The following PPP1R16B variants were observed in gnomAD, a reference collection of about 807,000 sequenced individuals.
PPP1R16B encodes protein phosphatase 1 regulatory subunit 16B, also known as protein phosphatase 1 regulatory inhibitor subunit 16B.
A neutral mutation model predicts 61.7 loss-of-function variants in PPP1R16B; 14 were observed. That is an observed-to-expected ratio of 0.23 (90% CI 0.15 to 0.35). The LOEUF (loss-of-function observed/expected upper bound fraction) is 0.35. PPP1R16B is among the 10% of genes least tolerant of loss of function. PPP1R16B has a pLI of 1.00. For synonymous variants in PPP1R16B, 266 were observed against 305.3 expected, an observed-to-expected ratio of 0.87 and a Z score of 1.34; for missense variants, 547 against 752.5, an observed-to-expected ratio of 0.73 and a Z score of 3.19.
At chr20:38,880,753 C>A (rs756466353) in intron 2 of PPP1R16B, among the ~76,000 whole-genome samples, 1 of 152,164 alleles carries the variant, frequency 6.6e-6, no homozygotes, top group Non-Finnish European at 1.5e-5. Context: ...TTAGAGATAT[C>A]GCGACTAATG....
intron 2 of PPP1R16B, among the ~76,000 whole-genome samples, chr20:38,880,027 G>A (rs1027543692): frequency 2.0e-5 from 3 of 151,948 alleles, no homozygotes; most frequent in Admixed American, 2.0e-4. Flanking sequence ...CAGATGTTCT[G>A]GCTGGTTCTG....
chr20:38,871,862 A>G (rs1601277973), intron 2 of PPP1R16B, among the ~76,000 whole-genome samples: 1 of 152,238 alleles, frequency 6.6e-6, no homozygotes, highest in East Asian at 1.9e-4. Flanking sequence ...TAAGCCACAT[A>G]TGTAATTTTA....
At chr20:38,831,396 C>G (rs1395983694) in intron 1 of PPP1R16B, among the ~76,000 whole-genome samples, 1 of 152,258 alleles carries the variant, frequency 6.6e-6, no homozygotes, top group Admixed American at 6.5e-5. Context: ...GGCCGCCTAG[C>G]TGCTGTGTTC....
At chr20:38,916,882 T>C (rs2085545743) in intron 10 of PPP1R16B, among the ~76,000 whole-genome samples, 1 of 151,856 alleles carries the variant, frequency 6.6e-6, no homozygotes. Context: ...TTAATTTTTA[T>C]AGTATTAACG....
chr20:38,889,241 T>C (rs1256864032), intron 2 of PPP1R16B, among the ~76,000 whole-genome samples: 1 of 152,194 alleles, frequency 6.6e-6, no homozygotes, highest in Non-Finnish European at 1.5e-5. Flanking sequence ...GGAAGTGTCT[T>C]GACCAAGGTT....
At chr20:38,831,076 G>A (rs1209815177) in intron 1 of PPP1R16B, among the ~76,000 whole-genome samples, 7 of 152,202 alleles carry the variant, frequency 4.6e-5, no homozygotes, top group Non-Finnish European at 7.3e-5. Context: ...TGAGTGACGA[G>A]GAACTTGCCA....
At chr20:38,850,493 C>A (rs1240658328) in intron 2 of PPP1R16B, among the ~76,000 whole-genome samples, 1 of 152,170 alleles carries the variant, frequency 6.6e-6, no homozygotes, top group Admixed American at 6.5e-5. Context: ...TAAGGATTTG[C>A]CTTCTAGACC....
At chr20:38,886,344 C>T (rs970985072) in intron 2 of PPP1R16B, among the ~76,000 whole-genome samples, 9 of 152,134 alleles carry the variant, frequency 5.9e-5, no homozygotes, top group African/African-American at 1.7e-4. Context: ...ATTCCTCCAC[C>T]GCATGGAGAA....
At chr20:38,863,189 A>T (rs1432517610) in intron 2 of PPP1R16B, among the ~76,000 whole-genome samples, 1 of 152,150 alleles carries the variant, frequency 6.6e-6, no homozygotes, top group African/African-American at 2.4e-5. Flanking sequence ...CTTACAAACC[A>T]CAGCACAAAA....
At chr20:38,826,492 G>C (rs572548007) in intron 1 of PPP1R16B, among the ~76,000 whole-genome samples, 48 of 152,172 alleles carry the variant, frequency 3.2e-4, no homozygotes, top group Non-Finnish European at 6.8e-4. Flanking sequence ...GGGAAGCTCA[G>C]CATGGAAGAC....
chr20:38,817,766 C>T (rs1187565915), intron 1 of PPP1R16B, among the ~76,000 whole-genome samples: 1 of 151,894 alleles, frequency 6.6e-6, no homozygotes, highest in Non-Finnish European at 1.5e-5. Context: ...ATGTGTGGGT[C>T]GGGCGTAGTG....
At chr20:38,834,205 C>G (rs970549028) in intron 1 of PPP1R16B, among the ~76,000 whole-genome samples, 1 of 152,174 alleles carries the variant, frequency 6.6e-6, no homozygotes, top group African/African-American at 2.4e-5. Context: ...AGATAAGGGT[C>G]TCGCTATGTT....
chr20:38,836,210 G>T (rs542363278), intron 2 of PPP1R16B, 35 bp downstream of exon 2: 2 of 1,585,272 alleles, frequency 1.3e-6, no homozygotes, highest in African/African-American at 1.3e-5. Context: ...CCACGCAGCT[G>T]CCTTGGCCTC....
intron 2 of PPP1R16B, among the ~76,000 whole-genome samples, chr20:38,837,690 C>T (rs1035497781): frequency 2.0e-5 from 3 of 151,976 alleles, no homozygotes; most frequent in Admixed American, 6.5e-5. Context: ...GGATTACAGG[C>T]GTTCACCTCC....
intron 2 of PPP1R16B, among the ~76,000 whole-genome samples, chr20:38,862,831 A>G (rs1012956907): frequency 2.6e-5 from 4 of 152,184 alleles, no homozygotes; most frequent in East Asian, 1.9e-4. Context: ...TCCATCAGTT[A>G]TGGCCTTTGG....
At chr20:38,813,915 G>A (rs1270270355) in intron 1 of PPP1R16B, among the ~76,000 whole-genome samples, 1 of 151,882 alleles carries the variant, frequency 6.6e-6, no homozygotes, top group Non-Finnish European at 1.5e-5. Context: ...TCCTGCCTCA[G>A]CCTCCTGAGT....
intron 1 of PPP1R16B, among the ~76,000 whole-genome samples, chr20:38,832,685 G>A (rs940078527): frequency 9.2e-5 from 14 of 152,220 alleles, no homozygotes; most frequent in Admixed American, 2.6e-4. Context: ...TTGGGAGGCC[G>A]AGGTGGGCAG....
intron 2 of PPP1R16B, among the ~76,000 whole-genome samples, chr20:38,868,959 C>T (rs888117280): frequency 6.6e-6 from 1 of 152,116 alleles, no homozygotes; most frequent in African/African-American, 2.4e-5. Flanking sequence ...CATTTCAAAT[C>T]ACATATGTGG....
At chr20:38,860,968 A>G (rs934500641) in intron 2 of PPP1R16B, among the ~76,000 whole-genome samples, 3 of 151,990 alleles carry the variant, frequency 2.0e-5, no homozygotes, top group African/African-American at 7.3e-5. Flanking sequence ...TCTTCCTCCC[A>G]CTGGGAGTAT....
Sources: gnomAD v4.1 joint callset for allele counts (sites outside exome capture counted in the v4.1 genomes callset) on GRCh38, gnomAD v4.1.1 for gene constraint, MANE v1.5 for transcripts, NCBI Gene and HGNC (gene_info 2026-07-23, HGNC 2026-07-21) for gene names.